The following SRSF4 variants were observed in gnomAD, a reference collection of about 807,000 sequenced individuals.
The protein encoded by SRSF4 is serine and arginine rich splicing factor 4, also known as serine/arginine-rich splicing factor 4.
A neutral mutation model predicts 48.8 loss-of-function variants in SRSF4; 12 were observed. The ratio of observed to expected loss-of-function variants is 0.25; its 90% CI spans 0.16 to 0.40. SRSF4 has a LOEUF of 0.40. Among genes scored for constraint, SRSF4 ranks in the 10% least tolerant of loss-of-function variants. The probability of loss-of-function intolerance (pLI) is 1.00; values close to 1 mark genes in which losing one functional copy is unlikely to be tolerated. For missense variants in SRSF4, 466 were observed against 667.1 expected (o/e 0.70, Z 3.32); for synonymous variants, 248 against 232.5 (o/e 1.07, Z -0.61).
At chr1:29,175,160 G>A (rs1359534573) in intron 1 of SRSF4, among the ~76,000 whole-genome samples, 1 of 151,898 alleles carries the variant, frequency 6.6e-6, no homozygotes, top group Non-Finnish European at 1.5e-5. Context: ...GGTGGCTCAC[G>A]CCTGTAATCC....
chr1:29,181,855 C>A lies in SRSF4; in HGVS notation c.-103G>T. The A allele has an allele frequency of 1.0e-6, 1 of 972,304 alleles. No homozygotes were observed. The highest frequency in any genetic ancestry group is 1.4e-6 in the Non-Finnish European group (1 of 724,870). The allele number at this position is 972,304 out of a possible 1,614,324, so 60.2% of individuals were successfully genotyped here. A position where few individuals can be genotyped will look rare whatever the true frequency, so the allele number is the denominator to read the frequency against. ...AGCGGCGGCGGCGGCAACGGGCGGG[C>A]GGCGGGACGGACGCAGCCGAACCCC... On this transcript the variant is annotated 5_prime_UTR_variant, in exon 1 of 6. Coordinates refer to ENST00000373795, the MANE Select transcript of SRSF4 (RefSeq NM_005626.5).
intron 1 of SRSF4, among the ~76,000 whole-genome samples, chr1:29,180,465 A>G (rs956565463): frequency 1.3e-5 from 2 of 152,240 alleles, no homozygotes; most frequent in South Asian, 2.1e-4. Context: ...AACCCAAATC[A>G]TCATTTGAGA....
chr1:29,163,669 G>A (rs758418588), intron 1 of SRSF4, among the ~76,000 whole-genome samples: 10 of 152,156 alleles, frequency 6.6e-5, no homozygotes, highest in Admixed American at 2.0e-4. Context: ...CAATGGTATC[G>A]TAGTTTATAT....
chr1:29,165,314 G>A (rs953258976), intron 1 of SRSF4, among the ~76,000 whole-genome samples: 1 of 152,154 alleles, frequency 6.6e-6, no homozygotes, highest in African/African-American at 2.4e-5. Context: ...GCTCATCTTC[G>A]TCATTCAATA....
intron 1 of SRSF4, among the ~76,000 whole-genome samples, chr1:29,180,782 T>C (rs931016914): frequency 2.0e-5 from 3 of 152,240 alleles, no homozygotes; most frequent in Admixed American, 6.5e-5. Context: ...CTAAAACCTG[T>C]AGCTCATGCT....
At chr1:29,152,438 GA>G (rs1351386453) in intron 4 of SRSF4, among the ~76,000 whole-genome samples, 2 of 152,078 alleles carry the variant, frequency 1.3e-5, no homozygotes, top group East Asian at 3.9e-4. Flanking sequence ...AACAAAACCT[GA>G]AAAGTCTCCA....
At position 29,181,842 on chromosome 1, in the gene SRSF4, G is replaced by A. The variant is rs896946209; in HGVS notation, c.-90C>T. On this transcript the variant is annotated 5_prime_UTR_variant, in exon 1 of 6. Transcript: ENST00000373795. ...AGAGCACGGCGGCAGCGGCGGCGGC[G>A]GCAACGGGCGGGCGGCGGGACGGAC... is the stretch of plus-strand genomic sequence containing the variant. The A allele has an allele frequency of 4.6e-6, 5 of 1,080,132 alleles. No homozygotes were observed. Among genetic ancestry groups the A allele is most frequent in the Non-Finnish European group, 6.1e-6 (5 of 820,262 alleles). The allele number at this position is 1,080,132 out of a possible 1,614,324, so 66.9% of individuals were successfully genotyped here. A position where few individuals can be genotyped will look rare whatever the true frequency, so the allele number is the denominator to read the frequency against.
At position 29,148,857 on chromosome 1, in the gene SRSF4, G is replaced by C; in HGVS notation, c.1038C>G (p.Ser346Arg). The C allele has an allele frequency of 1.2e-6, 2 of 1,602,792 alleles. No individual in the cohort carries two copies. The highest frequency in any genetic ancestry group is 1.7e-6 in the Non-Finnish European group (2 of 1,171,546). ...SKGGSRSRSR[S>R]RSKSKDKRKG... ...TCCTCTTGTCCTTGCTCTTGCTGCG[G>C]CTCCTGCTCCGGCTCCTGCTGCCCC... Residue 346 changes from serine (S) to arginine (R), a missense_variant, in exon 6 of 6, where the codon AGC (serine) becomes AGG (arginine). Physicochemically the swap from Ser to Arg is moderately radical, Grantham distance 110. Coordinates refer to ENST00000373795, the MANE Select transcript of SRSF4 (RefSeq NM_005626.5).
intron 1 of SRSF4, chr1:29,173,042 T>C (rs1036214723): frequency 6.6e-6 from 1 of 151,932 alleles, no homozygotes; most frequent in African/African-American, 2.4e-5. Flanking sequence ...CTTAAAAGGA[T>C]GCTTAATGAT....
At position 29,148,532 on chromosome 1, in the gene SRSF4, G is replaced by A. The variant is rs931287664; in HGVS notation, c.1363C>T (p.Pro455Ser). Residue 455 changes from proline to serine, a missense_variant, in exon 6 of 6, where the codon CCA (proline) becomes TCA (serine). Pro to Ser is a moderately conservative substitution (Grantham distance 74). Transcript: ENST00000373795. ...TTTGATCTGGAGCGTGATTCTGATG[G>A]AAGGTTTGGTTTCGATTTGGAATTG... ...RSNSKSKPNL[P>S]SESRSRSKSA... 4.0e-5 allele frequency: 65 copies of A among 1,613,970 alleles called. No individual in the cohort carries two copies. Among genetic ancestry groups the A allele is most frequent in the Non-Finnish European group, 5.4e-5 (64 of 1,180,036 alleles).
chr1:29,166,659 A>G (rs1672673887), intron 1 of SRSF4: 1 of 152,216 alleles, frequency 6.6e-6, no homozygotes, highest in Non-Finnish European at 1.5e-5. Context: ...TGCTCTGGGC[A>G]TTGTGGCCTC....
At chr1:29,173,466 CTTTTTTTTTTTTTTTTTT>C (rs1672781284) in intron 1 of SRSF4, 1 of 73,070 alleles carries the variant, frequency 1.4e-5, no homozygotes, top group Non-Finnish European at 2.6e-5. Flanking sequence ...TTTTTTTTTT[CTTTTTTTTTTTTTTTTTT>C]GAGATGGAGT....
intron 1 of SRSF4, among the ~76,000 whole-genome samples, chr1:29,173,689 T>C (rs1672787958): frequency 6.7e-6 from 1 of 148,802 alleles, no homozygotes; most frequent in Non-Finnish European, 1.5e-5. Flanking sequence ...CCTCAAGTGA[T>C]CCGCCCACCT....
chr1:29,158,605 T>A (rs1041395112), intron 3 of SRSF4, among the ~76,000 whole-genome samples: 1 of 152,102 alleles, frequency 6.6e-6, no homozygotes, highest in Non-Finnish European at 1.5e-5. Flanking sequence ...AATTTTTGTA[T>A]CTTTTTAAGT....
intron 5 of SRSF4, 79 bp downstream of exon 5, chr1:29,150,023 GA>G (rs1026985805): frequency 3.3e-3 from 3,631 of 1,098,804 alleles, no homozygotes; most frequent in South Asian, 4.3e-3. Context: ...GTGTCTCTTT[GA>G]AAAAAAAAAG....
intron 1 of SRSF4, chr1:29,168,767 A>G (rs1672703085): frequency 6.6e-6 from 1 of 152,228 alleles, no homozygotes; most frequent in Admixed American, 6.5e-5. Flanking sequence ...GAAGATGAAG[A>G]CTTGGATCTA....
intron 1 of SRSF4, among the ~76,000 whole-genome samples, chr1:29,180,204 T>G (rs905407846): frequency 6.6e-6 from 1 of 152,198 alleles, no homozygotes; most frequent in African/African-American, 2.4e-5. Context: ...AAATCCACAC[T>G]TTGTCCACAA....
At chr1:29,174,201 A>G (rs1360212851) in intron 1 of SRSF4, among the ~76,000 whole-genome samples, 1 of 7,972 alleles carries the variant, frequency 1.3e-4, no homozygotes. Flanking sequence ...CTCAAAAAAA[A>G]AAAGAAAAAA....
intron 3 of SRSF4, 91 bp from the exon 4 acceptor site, chr1:29,155,001 G>A (rs1558387846): frequency 1.5e-5 from 17 of 1,169,726 alleles, no homozygotes; most frequent in Non-Finnish European, 2.1e-5. Context: ...TTTAAGAAAT[G>A]CCAGCATTCC....
Sources: gnomAD v4.1 joint callset for allele counts (sites outside exome capture counted in the v4.1 genomes callset) on GRCh38, gnomAD v4.1.1 for gene constraint, MANE v1.5 for transcripts, NCBI Gene and HGNC (gene_info 2026-07-23, HGNC 2026-07-21) for gene names.